SLC8A3: variants seen among roughly 807,000 people sequenced by gnomAD.
The protein encoded by SLC8A3 is sodium/calcium exchanger 3.
Under a neutral mutation model 65.4 loss-of-function variants are expected in SLC8A3, and 37 were observed. The observed-to-expected ratio is 0.57, with a 90% CI of 0.44 to 0.74. SLC8A3 has a LOEUF of 0.74. Ranked by LOEUF, SLC8A3 falls within the 30% of genes least tolerant of loss-of-function variation. The pLI is 0.00. For synonymous variants in SLC8A3, 461 were observed against 444.5 expected (o/e 1.04, Z -0.47); for missense variants, 1,112 against 1,172.1 (o/e 0.95, Z 0.75).
At chr14:70,169,487 T>C (rs17107910) in intron 1 of SLC8A3, among the ~76,000 whole-genome samples, 5,429 of 152,202 alleles carry the variant, frequency 0.036, 324 homozygotes, top group African/African-American at 0.12. Context: ...GTCTCTCAAA[T>C]AAGTTTTGTT....
chr14:70,096,264 T>A (rs1892171335), intron 2 of SLC8A3, among the ~76,000 whole-genome samples: 1 of 152,048 alleles, frequency 6.6e-6, no homozygotes, highest in Non-Finnish European at 1.5e-5. Context: ...CAAAAGAGAG[T>A]GACAAGCATC....
intron 2 of SLC8A3, among the ~76,000 whole-genome samples, chr14:70,122,826 C>T (rs1358352837): frequency 6.6e-6 from 1 of 152,132 alleles, no homozygotes; most frequent in Admixed American, 6.5e-5. Flanking sequence ...AATTCCAGCA[C>T]TTTGGGAGGC....
At chr14:70,139,761 T>A (rs1389008379) in intron 2 of SLC8A3, among the ~76,000 whole-genome samples, 1 of 152,126 alleles carries the variant, frequency 6.6e-6, no homozygotes, top group Non-Finnish European at 1.5e-5. Flanking sequence ...GTTAGATGAA[T>A]GGACCTGACC....
chr14:70,187,865 A>G (rs1883462912), intron 1 of SLC8A3, among the ~76,000 whole-genome samples: 1 of 151,954 alleles, frequency 6.6e-6, no homozygotes, highest in Non-Finnish European at 1.5e-5. Flanking sequence ...GTGCGTGCGT[A>G]TGTGCACGCG....
chr14:70,079,996 C>T (rs1388220916), intron 2 of SLC8A3: 1 of 675,926 alleles, frequency 1.5e-6, no homozygotes, highest in Non-Finnish European at 1.8e-6. Flanking sequence ...CAGCAGTTAC[C>T]TGGAGATGAT....
intron 2 of SLC8A3, among the ~76,000 whole-genome samples, chr14:70,119,983 G>A (rs530490618): frequency 4.8e-4 from 73 of 152,322 alleles, no homozygotes; most frequent in Non-Finnish European, 1.0e-3. Flanking sequence ...ATGACTAGGG[G>A]AGTGTATGTA....
intron 4 of SLC8A3, 63 bp from the exon 5 acceptor site, chr14:70,051,170 G>A: frequency 8.7e-7 from 1 of 1,148,638 alleles, no homozygotes; most frequent in East Asian, 2.4e-5. Context: ...TGAGGAGTCT[G>A]GTTCTTCAAA....
chr14:70,133,261 T>A (rs1009086870), intron 2 of SLC8A3, among the ~76,000 whole-genome samples: 9 of 152,044 alleles, frequency 5.9e-5, no homozygotes, highest in African/African-American at 2.2e-4. Context: ...AGGATGCAAA[T>A]GATGCTGAAC....
intron 2 of SLC8A3, among the ~76,000 whole-genome samples, chr14:70,160,182 C>A (rs115386462): frequency 1.0e-3 from 153 of 152,262 alleles, no homozygotes; most frequent in Non-Finnish European, 1.2e-3. Context: ...TGGTAGCTCA[C>A]GCCTGTAATC....
intron 3 of SLC8A3, chr14:70,055,866 A>G: frequency 6.5e-7 from 1 of 1,541,058 alleles, no homozygotes; most frequent in Non-Finnish European, 8.9e-7. Flanking sequence ...AAAGAGCATT[A>G]ATGTCCCATC....
intron 2 of SLC8A3, among the ~76,000 whole-genome samples, chr14:70,071,275 T>A (rs959666286): frequency 6.6e-6 from 1 of 152,252 alleles, no homozygotes; most frequent in African/African-American, 2.4e-5. Flanking sequence ...GTAAATGTGC[T>A]GTTATCACTC....
At chr14:70,177,560 T>A (rs1897983436) in intron 1 of SLC8A3, among the ~76,000 whole-genome samples, 1 of 151,168 alleles carries the variant, frequency 6.6e-6, no homozygotes, top group South Asian at 2.1e-4. Flanking sequence ...TGAACAGGAG[T>A]TAATTGGGTG....
At chr14:70,098,289 CT>C (rs1019505490) in intron 2 of SLC8A3, among the ~76,000 whole-genome samples, 6 of 59,088 alleles carry the variant, frequency 1.0e-4, no homozygotes, top group African/African-American at 3.2e-4. Context: ...GGTTTTCCTT[CT>C]TTTTCTCACT....
chr14:70,062,975 C>T (rs1172107405), intron 2 of SLC8A3, among the ~76,000 whole-genome samples: 1 of 152,126 alleles, frequency 6.6e-6, no homozygotes, highest in Non-Finnish European at 1.5e-5. Flanking sequence ...ACAGTATGAT[C>T]TATTCAGGAA....
Position 70,167,237 on chromosome 14 carries a change from A to G in SLC8A3, c.1186T>C (p.Ser396Pro), listed in dbSNP as rs771074487. The change falls in exon 2 of 7, where the codon TCC becomes CCC. Residue 396 changes from serine (S) to proline (P), a missense_variant. By Grantham distance (74) the Ser-to-Pro change is moderately conservative (BLOSUM62 -1). Coordinates refer to ENST00000356921, the MANE Select transcript of SLC8A3 (RefSeq NM_182932.3). ...VHTDEPEDFISKVFFDPCSYQ... is the reference protein window; with the variant it reads ...VHTDEPEDFIPKVFFDPCSYQ... ...GAACATGGGTCAAAGAAGACCTTGG[A>G]AATAAAGTCCTCAGGCTCATCGGTG... 6 of 1,614,056 alleles carry G rather than the reference A, an allele frequency of 3.7e-6. No individual in the cohort carries two copies. The highest frequency in any genetic ancestry group is 1.6e-4 in the Middle Eastern group (1 of 6,084).
At chr14:70,143,718 T>C (rs1187803942) in intron 2 of SLC8A3, among the ~76,000 whole-genome samples, 4 of 152,128 alleles carry the variant, frequency 2.6e-5, no homozygotes, top group African/African-American at 7.2e-5. Context: ...TGTGCACCCA[T>C]TGCTGATCTG....
chr14:70,079,908 G>C (rs1366629517), intron 2 of SLC8A3: 2 of 159,762 alleles, frequency 1.3e-5, no homozygotes, highest in African/African-American at 2.4e-5. Flanking sequence ...ATAGAAACTT[G>C]AGTTAAAATC....
Position 70,167,033 on chromosome 14 carries a change from A to T in SLC8A3, c.1390T>A (p.Phe464Ile). The T allele has an allele frequency of 6.2e-7, 1 of 1,613,612 alleles. No homozygotes were observed. The change falls in exon 2 of 7, where the codon TTC becomes ATC. Residue 464 changes from phenylalanine (F) to isoleucine (I), a missense_variant. Coordinates refer to ENST00000356921, the MANE Select transcript of SLC8A3 (RefSeq NM_182932.3). ...VLKPGETQKEFSVGIIDDDIF... is the reference protein window; with the variant it reads ...VLKPGETQKEISVGIIDDDIF... ...TCGTCATCAATTATGCCCACGGAGA[A>T]CTCCTTCTGGGTCTCTCCTGGCTTC...
At chr14:70,126,900 T>C (rs1232646419) in intron 2 of SLC8A3, among the ~76,000 whole-genome samples, 3 of 144,116 alleles carry the variant, frequency 2.1e-5, no homozygotes, top group Non-Finnish European at 3.1e-5. Context: ...AATGCAAATA[T>C]TCAAAAAAAA....
Sources: allele counts gnomAD v4.1 joint callset (sites outside exome capture counted in the v4.1 genomes callset), GRCh38; gene constraint gnomAD v4.1.1; transcripts MANE v1.5; gene names NCBI Gene and HGNC (gene_info 2026-07-23, HGNC 2026-07-21).